The following ZNF8 variants were observed in gnomAD, a reference collection of about 807,000 sequenced individuals.
ZNF8 encodes the protein zinc finger protein 272.
In ZNF8, 9 loss-of-function variants were observed where a neutral mutation model predicts 12.2. The ratio of observed to expected loss-of-function variants is 0.73; its 90% CI spans 0.44 to 1.28. ZNF8 has a LOEUF of 1.28. Ranked by LOEUF, ZNF8 falls within the 50% of genes most tolerant of loss-of-function variation. ZNF8 has a pLI of 0.00. For synonymous variants in ZNF8, 274 were observed against 282.3 expected (o/e 0.97, Z 0.30); for missense variants, 664 against 729.1 (o/e 0.91, Z 1.03).
chr19:58,283,943 G>A (rs1263450868), intron 1 of ZNF8, among the ~76,000 whole-genome samples: 12 of 152,020 alleles, frequency 7.9e-5, no homozygotes, highest in Non-Finnish European at 7.4e-5. Context: ...GAGAGAGAGA[G>A]AAAAAAAGCA....
chr19:58,279,208 G>C, intron 1 of ZNF8, 61 bp downstream of exon 1: 1 of 1,539,700 alleles, frequency 6.5e-7, no homozygotes. Context: ...CGCGCAGACT[G>C]ACCCTTTCAC....
At chr19:58,285,676 G>A (rs762667017) in intron 1 of ZNF8, 41 bp from the exon 2 acceptor site, 1 of 1,614,124 alleles carries the variant, frequency 6.2e-7, no homozygotes. Flanking sequence ...AAGCACTGAT[G>A]GAGATAGTCC....
chr19:58,295,306 C>T lies in ZNF8; in HGVS notation c.1498C>T (p.Arg500Trp), dbSNP rs45502695. The change falls in exon 4 of 4, where the codon CGG becomes TGG. Residue 500 changes from arginine (R) to tryptophan (W), a missense_variant. Physicochemically the swap from Arg to Trp is moderately radical, Grantham distance 101. This residue lies in a region of ZNF8 where 225 missense variants were observed against 222.0 expected (regional missense o/e 1.01). Coordinates refer to ENST00000621650, the MANE Select transcript of ZNF8 (RefSeq NM_021089.3). Reference protein sequence around the residue: ...TREEQPHGRSRRREQSSSRNS... With the variant: ...TREEQPHGRSWRREQSSSRNS... ...AGAGGAGCAGCCCCATGGGCGAAGC[C>T]GGCGGCGTGAACAATCCTCGAGCAG... 2.4e-5 allele frequency: 39 copies of T among 1,614,218 alleles called. No individual in the cohort carries two copies. Among genetic ancestry groups the T allele is most frequent in the South Asian group, 1.1e-4 (10 of 91,086 alleles).
intron 3 of ZNF8, among the ~76,000 whole-genome samples, chr19:58,293,533 A>G (rs2051433774): frequency 1.3e-5 from 2 of 152,190 alleles, no homozygotes; most frequent in African/African-American, 2.4e-5. Flanking sequence ...GGAAAGCGGG[A>G]AGCCTGGCTT....
chr19:58,279,673 T>C (rs1475353965), intron 1 of ZNF8: 34 of 1,532,538 alleles, frequency 2.2e-5, no homozygotes, highest in Non-Finnish European at 2.9e-5. Flanking sequence ...GCACTGAGTG[T>C]GATGAGAGTG....
At position 58,294,503 on chromosome 19, in the gene ZNF8, G is replaced by C; in HGVS notation, c.695G>C (p.Ser232Thr). 1 of 1,614,188 alleles carries C rather than the reference G, an allele frequency of 6.2e-7. No individual in the cohort carries two copies. Among genetic ancestry groups the C allele is most frequent in the Non-Finnish European group, 8.5e-7 (1 of 1,180,042 alleles). Residue 232 changes from serine (S) to threonine (T), a missense_variant, in exon 4 of 4, where the codon AGT (serine) becomes ACT (threonine). Around this residue, in one of 3 missense-constraint regions of ZNF8, gnomAD observed 306 missense variants for 308.7 expected, o/e 0.99. Transcript: ENST00000621650. This position sits in a 1 kb window ranked among gnomAD's most constrained non-coding sequence, Gnocchi z 5.5. ...GSPGKQPGEN[S>T]DCHRDSSQAI... Reference sequence around the variant, plus strand: ...CCAGGAAAACAGCCCGGTGAAAACAGTGACTGTCACAGAGATTCCAGTCAG... The same window carrying C: ...CCAGGAAAACAGCCCGGTGAAAACACTGACTGTCACAGAGATTCCAGTCAG...
intron 3 of ZNF8, among the ~76,000 whole-genome samples, chr19:58,287,984 G>A (rs912066866): frequency 2.7e-5 from 4 of 145,992 alleles, no homozygotes; most frequent in East Asian, 4.0e-4. Context: ...GATTATAGGC[G>A]TAAGCCACTA....
At chr19:58,279,756 T>C in intron 1 of ZNF8, 1 of 1,499,336 alleles carries the variant, frequency 6.7e-7, no homozygotes, top group Admixed American at 2.0e-5. Context: ...CAGGGCCATC[T>C]GGCCATCAGA....
In ZNF8 at chr19:58,294,337, A is replaced by G; in HGVS notation, c.529A>G (p.Arg177Gly). ...TCAAGATCAAGGCTACAAAACTCTC[A>G]GACTCAGGGAAAACTGCGTCCTGAG... is the stretch of plus-strand genomic sequence containing the variant. ...PVQDQGYKTL[R>G]LRENCVLSSS... The change falls in exon 4 of 4, where the codon AGA (arginine) becomes GGA (glycine). Residue 177 changes from arginine to glycine, a missense_variant. This residue lies in a region of ZNF8 where 306 missense variants were observed against 308.7 expected (regional missense o/e 0.99). Transcript: ENST00000621650. The surrounding 1 kb of genome is among the most constrained non-coding windows in gnomAD (Gnocchi z 5.5). 1 of 1,614,190 alleles carries G rather than the reference A, an allele frequency of 6.2e-7. No homozygotes were observed. The highest frequency in any genetic ancestry group is 1.3e-5 in the African/African-American group (1 of 75,044).
chr19:58,297,012 C>T lies in ZNF8; in HGVS notation c.*1476C>T, dbSNP rs1030456067. 3 of 152,058 alleles carry T rather than the reference C, an allele frequency of 2.0e-5. No homozygotes were observed. Among genetic ancestry groups the T allele is most frequent in the African/African-American group, 7.2e-5 (3 of 41,402 alleles). 9.4% of individuals were successfully genotyped at this position (152,058 alleles called of 1,614,324 possible). A position where few individuals can be genotyped will look rare whatever the true frequency, so the allele number is the denominator to read the frequency against. On this transcript the variant is annotated 3_prime_UTR_variant, in exon 4 of 4. Coordinates refer to ENST00000621650, the MANE Select transcript of ZNF8 (RefSeq NM_021089.3). Reference sequence around the variant, plus strand: ...TGTGGGAGGCTGAGGAGGGCGGATCCTTTGAGGTCAGGAGTTTGAGACTAG... The same window carrying T: ...TGTGGGAGGCTGAGGAGGGCGGATCTTTTGAGGTCAGGAGTTTGAGACTAG...
chr19:58,298,829 A>G lies in ZNF8; in HGVS notation c.*3293A>G. The G allele has an allele frequency of 7.0e-6, 1 of 142,420 alleles. No individual in the cohort carries two copies. Among genetic ancestry groups the G allele is most frequent in the Non-Finnish European group, 1.5e-5 (1 of 66,520 alleles). The allele number at this position is 142,420 out of a possible 1,614,324, so 8.8% of individuals were successfully genotyped here. On this transcript the variant is annotated 3_prime_UTR_variant, in exon 4 of 4. Transcript: ENST00000621650. ...GATCCACACAGTGCATTTGGTTGGA[A>G]TTTTTCTTTTTTCTTTTTCTTTTTT...
At chr19:58,284,387 G>GA (rs1014501525) in intron 1 of ZNF8, among the ~76,000 whole-genome samples, 1 of 152,210 alleles carries the variant, frequency 6.6e-6, no homozygotes, top group Non-Finnish European at 1.5e-5. Context: ...CCCAAGGGGT[G>GA]ATGCTTTGTT....
At chr19:58,283,032 C>T (rs1009392821) in intron 1 of ZNF8, among the ~76,000 whole-genome samples, 3 of 149,804 alleles carry the variant, frequency 2.0e-5, no homozygotes, top group East Asian at 3.9e-4. Flanking sequence ...GGCTGGAGTG[C>T]GGTGGCATGA....
intron 1 of ZNF8, among the ~76,000 whole-genome samples, chr19:58,284,989 A>G (rs2147955189): frequency 6.6e-6 from 1 of 152,230 alleles, no homozygotes; most frequent in Middle Eastern, 3.4e-3. Flanking sequence ...GACAGGGTCC[A>G]TGCTCCCCAT....
At chr19:58,286,442 C>A in intron 3 of ZNF8, 4 of 420,078 alleles carry the variant, frequency 9.5e-6, no homozygotes, top group Non-Finnish European at 1.8e-5. Context: ...AGTCCCCTCA[C>A]TGTGGAGTCA....
In ZNF8 at chr19:58,279,768, C is replaced by T. The variant is rs76565770; in HGVS notation, c.66+621C>T. ...TTGCAGGGCCATCTGGCCATCAGAG[C>T]TCCACTTTCTAGACAAAGTGGTTGC... On this transcript the variant is annotated intron_variant, in intron 1 of 3. Coordinates refer to ENST00000621650, the MANE Select transcript of ZNF8 (RefSeq NM_021089.3). The T allele has an allele frequency of 1.3e-3, 1,930 of 1,490,412 alleles. 21 individuals carry two copies. The African/African-American group carries it at 0.023, about 18-fold the overall frequency. 92.3% of individuals were successfully genotyped at this position (1,490,412 alleles called of 1,614,324 possible). A position where few individuals can be genotyped will look rare whatever the true frequency, so the allele number is the denominator to read the frequency against.
At chr19:58,282,598 T>C (rs1474183082) in intron 1 of ZNF8, among the ~76,000 whole-genome samples, 1 of 152,146 alleles carries the variant, frequency 6.6e-6, no homozygotes, top group Non-Finnish European at 1.5e-5. Context: ...TCTAAGAGTT[T>C]TATAGTTTTA....
At chr19:58,284,065 A>C (rs911348661) in intron 1 of ZNF8, among the ~76,000 whole-genome samples, 3 of 152,040 alleles carry the variant, frequency 2.0e-5, no homozygotes, top group African/African-American at 7.2e-5. Context: ...TCTACTAAAA[A>C]ATACAAAAAT....
chr19:58,292,358 T>C (rs1185951888), intron 3 of ZNF8, among the ~76,000 whole-genome samples: 2 of 152,116 alleles, frequency 1.3e-5, no homozygotes, highest in Admixed American at 6.5e-5. Context: ...GGCCCCTTCC[T>C]CAATTGCAGA....
Sources: gnomAD v4.1 joint callset for allele counts (sites outside exome capture counted in the v4.1 genomes callset) on GRCh38, gnomAD v4.1.1 for gene constraint, gnomAD v4.1.1 regional missense constraint, Gnocchi (gnomAD v3.1) non-coding constraint, MANE v1.5 for transcripts, NCBI Gene and HGNC (gene_info 2026-07-23, HGNC 2026-07-21) for gene names.